FMN1: variants seen among roughly 807,000 people sequenced by gnomAD.
The protein encoded by FMN1 is formin 1, also known as formin-1.
A neutral mutation model predicts 132.4 loss-of-function variants in FMN1; 110 were observed. That is an observed-to-expected ratio of 0.83 (90% CI 0.71 to 0.97). The LOEUF (loss-of-function observed/expected upper bound fraction) is 0.97. Among genes scored for constraint, FMN1 ranks in the 50% least tolerant of loss-of-function variants. The pLI is 0.00. For synonymous variants in FMN1, 722 were observed against 651.7 expected (o/e 1.11, Z -1.64); for missense variants, 1,792 against 1,705.3 (o/e 1.05, Z -0.90).
intron 17 of FMN1, among the ~76,000 whole-genome samples, chr15:32,844,409 C>A (rs1281996044): frequency 1.3e-5 from 2 of 152,034 alleles, no homozygotes; most frequent in Non-Finnish European, 2.9e-5. Context: ...TTATGTACAT[C>A]CCTTATATCA....
intron 4 of FMN1, among the ~76,000 whole-genome samples, chr15:33,094,745 A>C (rs1264042233): frequency 3.9e-5 from 6 of 152,180 alleles, no homozygotes; most frequent in African/African-American, 1.2e-4. Flanking sequence ...ACCTCCTTCC[A>C]CGGTTTTCTC....
chr15:32,848,868 T>C (rs181981795), intron 17 of FMN1, among the ~76,000 whole-genome samples: 13 of 152,150 alleles, frequency 8.5e-5, no homozygotes, highest in Non-Finnish European at 1.5e-4. Flanking sequence ...TTAGGAGTAA[T>C]AGTCTAAATA....
intron 9 of FMN1, among the ~76,000 whole-genome samples, chr15:32,930,026 G>C (rs2061070320): frequency 9.7e-6 from 1 of 103,282 alleles, no homozygotes; most frequent in Non-Finnish European, 1.7e-5. Context: ...GTCTCGTTCT[G>C]TCATCTAGGC....
At position 33,006,531 on chromosome 15, in the gene FMN1, T is replaced by G. The variant is rs78256590; in HGVS notation, c.2223+1483A>C. On this transcript the variant is annotated intron_variant, in intron 7 of 20. Coordinates refer to ENST00000616417, the MANE Select transcript of FMN1 (RefSeq NM_001277313.2). The stretch of plus-strand genomic sequence containing the variant: ...TTACCATATGACCTAGAAATCCCAC[T>G]ACTGGGTATATATTTAAAGGAAATG... Among the ~76,000 whole-genome samples, 1,081 of 152,284 alleles carry G rather than the reference T, an allele frequency of 7.1e-3. 16 individuals are homozygous for G. The highest frequency in any genetic ancestry group is 0.025 in the African/African-American group (1,036 of 41,562).
At chr15:32,841,657 T>C (rs1242221456) in intron 17 of FMN1, among the ~76,000 whole-genome samples, 2 of 152,148 alleles carry the variant, frequency 1.3e-5, no homozygotes, top group Admixed American at 1.3e-4. Context: ...TGTGAATCGC[T>C]TTGTGGAACT....
chr15:33,068,969 C>T (rs1471478088), intron 5 of FMN1, among the ~76,000 whole-genome samples: 1 of 152,220 alleles, frequency 6.6e-6, no homozygotes, highest in Non-Finnish European at 1.5e-5. Context: ...CGCCTCTCCC[C>T]CTTTGGTGTC....
At chr15:32,797,420 T>C (rs563162572) in intron 19 of FMN1, among the ~76,000 whole-genome samples, 1 of 152,232 alleles carries the variant, frequency 6.6e-6, no homozygotes, top group Non-Finnish European at 1.5e-5. Flanking sequence ...GGCCAGCTCC[T>C]ATGCTGTTTT....
At chr15:32,828,165 G>A (rs1315311628) in intron 17 of FMN1, among the ~76,000 whole-genome samples, 2 of 152,054 alleles carry the variant, frequency 1.3e-5, no homozygotes, top group East Asian at 1.9e-4. Flanking sequence ...TCCCAGCTAC[G>A]TGGGAGGCTG....
chr15:32,979,376 A>G (rs1423759899), intron 7 of FMN1, among the ~76,000 whole-genome samples: 1 of 152,052 alleles, frequency 6.6e-6, no homozygotes, highest in African/African-American at 2.4e-5. Flanking sequence ...TAACATGGTG[A>G]AACCCCGTCT....
At chr15:32,879,073 G>T (rs988992325) in intron 16 of FMN1, among the ~76,000 whole-genome samples, 1 of 152,074 alleles carries the variant, frequency 6.6e-6, no homozygotes, top group African/African-American at 2.4e-5. Flanking sequence ...TTTCATTTGG[G>T]AAATGTGTGA....
chr15:33,072,790 G>C, intron 5 of FMN1, among the ~76,000 whole-genome samples: 1 of 152,186 alleles, frequency 6.6e-6, no homozygotes, highest in Middle Eastern at 3.4e-3. Context: ...AGGCATGGTG[G>C]TGGGCACCTG....
At chr15:32,916,231 G>C (rs2060680626) in intron 10 of FMN1, among the ~76,000 whole-genome samples, 2 of 152,212 alleles carry the variant, frequency 1.3e-5, no homozygotes, top group South Asian at 4.1e-4. Flanking sequence ...CTCCGGGTAA[G>C]AGATGGCTTT....
At chr15:33,077,008 G>C (rs73378544) in intron 5 of FMN1, among the ~76,000 whole-genome samples, 2 of 152,262 alleles carry the variant, frequency 1.3e-5, no homozygotes, top group South Asian at 2.1e-4. Flanking sequence ...AAAGGAGAAG[G>C]TAAGTCAGGC....
chr15:32,853,677 T>C (rs2059060450), intron 17 of FMN1, among the ~76,000 whole-genome samples: 1 of 152,220 alleles, frequency 6.6e-6, no homozygotes, highest in African/African-American at 2.4e-5. Flanking sequence ...CCCTACATCA[T>C]AGCATACTGC....
Position 32,768,320 on chromosome 15 carries a change from A to T in FMN1, c.*5990T>A, listed in dbSNP as rs11856949. The T allele has an allele frequency of 6.6e-6, 1 of 152,226 alleles. No homozygotes were observed. Among genetic ancestry groups the T allele is most frequent in the African/African-American group, 2.4e-5 (1 of 41,456 alleles). The allele number at this position is 152,226 out of a possible 1,614,324, so 9.4% of individuals were successfully genotyped here. On this transcript the variant is annotated 3_prime_UTR_variant, in exon 21 of 21. Coordinates refer to ENST00000616417, the MANE Select transcript of FMN1 (RefSeq NM_001277313.2). Reference sequence around the variant, plus strand: ...TAACAGTCAAAAACACATTCGTTTCATAAGAGGAAAGTGGAAGAAAGCCCC... The same window carrying T: ...TAACAGTCAAAAACACATTCGTTTCTTAAGAGGAAAGTGGAAGAAAGCCCC...
At chr15:32,846,972 G>GA (rs1376236133) in intron 17 of FMN1, among the ~76,000 whole-genome samples, 2 of 152,166 alleles carry the variant, frequency 1.3e-5, no homozygotes, top group African/African-American at 2.4e-5. Context: ...TACATAGAAA[G>GA]AAAGAGCCTG....
intron 17 of FMN1, chr15:32,810,950 G>A (rs1188583675): frequency 6.6e-6 from 3 of 455,926 alleles, no homozygotes; most frequent in African/African-American, 2.0e-5. Flanking sequence ...TGATGCTAAC[G>A]AGGAAACAAA....
chr15:32,783,230 G>A (rs184943554), intron 19 of FMN1, among the ~76,000 whole-genome samples: 8 of 152,240 alleles, frequency 5.3e-5, no homozygotes, highest in Admixed American at 4.6e-4. Flanking sequence ...ACATATCAGA[G>A]AAAGAAAATA....
intron 9 of FMN1, among the ~76,000 whole-genome samples, chr15:32,949,034 T>C (rs2061568063): frequency 6.6e-6 from 1 of 151,982 alleles, no homozygotes; most frequent in African/African-American, 2.4e-5. Flanking sequence ...TTTTCTAATA[T>C]AAATACTCAT....
Sources: allele counts gnomAD v4.1 joint callset (sites outside exome capture counted in the v4.1 genomes callset), GRCh38; gene constraint gnomAD v4.1.1; transcripts MANE v1.5; gene names NCBI Gene and HGNC (gene_info 2026-07-23, HGNC 2026-07-21).